The following HS6ST2 variants were observed in gnomAD, a reference collection of about 807,000 sequenced individuals.
HS6ST2 encodes the protein heparan-sulfate 6-O-sulfotransferase 2.
HS6ST2 carries 17 observed loss-of-function variants against 33.0 expected under a neutral mutation model. That is an observed-to-expected ratio of 0.52 (90% CI 0.35 to 0.77). The LOEUF (loss-of-function observed/expected upper bound fraction) is 0.77, where lower values mean the gene tolerates loss of function less well. Among genes scored for constraint, HS6ST2 ranks in the 30% least tolerant of loss-of-function variants. The probability of loss-of-function intolerance (pLI) is 0.01; values close to 1 mark genes in which losing one functional copy is unlikely to be tolerated. For synonymous variants in HS6ST2, 248 were observed against 237.1 expected (o/e 1.05, Z -0.42); for missense variants, 519 against 551.7 (o/e 0.94, Z 0.59).
At chrX:132,825,883 A>G (rs1456002566) in intron 2 of HS6ST2, among the ~76,000 whole-genome samples, 6 of 111,978 alleles carry the variant, frequency 5.4e-5, no homozygotes, top group Non-Finnish European at 1.1e-4. Flanking sequence ...CTGTGTCACA[A>G]TGCTTCTGTA....
chrX:132,712,160 G>A (rs747523732), intron 2 of HS6ST2, among the ~76,000 whole-genome samples: 7 of 111,635 alleles, frequency 6.3e-5, no homozygotes, highest in Non-Finnish European at 1.3e-4. Flanking sequence ...ACACTGAACT[G>A]GTGTGCTCAC....
chrX:132,636,119 A>C (rs1219335987), intron 4 of HS6ST2, among the ~76,000 whole-genome samples: 3 of 111,698 alleles, frequency 2.7e-5, no homozygotes, highest in Non-Finnish European at 5.6e-5. Context: ...CTGGGAGGGT[A>C]AGAACCATGT....
intron 2 of HS6ST2, among the ~76,000 whole-genome samples, chrX:132,825,983 G>T (rs2065515153): frequency 8.9e-6 from 1 of 112,230 alleles, no homozygotes; most frequent in African/African-American, 3.2e-5. Flanking sequence ...AATGTCCCCT[G>T]TCCTCCATGA....
intron 2 of HS6ST2, among the ~76,000 whole-genome samples, chrX:132,748,018 C>G (rs1363722088): frequency 8.9e-6 from 1 of 111,817 alleles, no homozygotes; most frequent in Non-Finnish European, 1.9e-5. Context: ...TGTTACTTCT[C>G]TGCCACAATG....
intron 3 of HS6ST2, among the ~76,000 whole-genome samples, chrX:132,678,478 TA>T (rs2063941695): frequency 8.9e-6 from 1 of 112,769 alleles, no homozygotes; most frequent in Admixed American, 9.3e-5. Flanking sequence ...ATGTGTCTGT[TA>T]AAAACACTGA....
At chrX:132,868,054 G>A (rs1000807907) in intron 2 of HS6ST2, among the ~76,000 whole-genome samples, 3 of 111,844 alleles carry the variant, frequency 2.7e-5, no homozygotes, top group Admixed American at 9.5e-5. Context: ...CATGTGCAAA[G>A]ACACAAATAG....
At chrX:132,807,781 C>T (rs889935162) in intron 2 of HS6ST2, among the ~76,000 whole-genome samples, 2 of 111,984 alleles carry the variant, frequency 1.8e-5, no homozygotes, top group Non-Finnish European at 3.8e-5. Context: ...TGACTAAAAG[C>T]AGAGGGTGCT....
intron 2 of HS6ST2, among the ~76,000 whole-genome samples, chrX:132,839,297 TATATATATATATATATATACAC>T (rs2065682769): frequency 2.3e-5 from 1 of 42,869 alleles, no homozygotes; most frequent in Admixed American, 2.0e-4. Flanking sequence ...TATATATATA[TATATATATATATATATATACAC>T]ACACATGTAT....
intron 4 of HS6ST2, among the ~76,000 whole-genome samples, chrX:132,633,498 A>C (rs1674077195): frequency 9.0e-6 from 1 of 111,092 alleles, no homozygotes; most frequent in African/African-American, 3.3e-5. Context: ...AAGTGACAAA[A>C]GGGATTCGGG....
chrX:132,906,245 A>G (rs1249593442), intron 2 of HS6ST2, among the ~76,000 whole-genome samples: 1 of 112,394 alleles, frequency 8.9e-6, no homozygotes, highest in African/African-American at 3.2e-5. Flanking sequence ...GGCTTTTGTT[A>G]GGTTTTTCCT....
At chrX:132,824,955 A>C (rs962343626) in intron 2 of HS6ST2, among the ~76,000 whole-genome samples, 8 of 109,536 alleles carry the variant, frequency 7.3e-5, no homozygotes, top group Admixed American at 3.9e-4. Context: ...TCTATGATAA[A>C]GTTTGTCAAC....
Position 132,772,829 on chromosome X carries a change from C to A in HS6ST2, c.948-64335G>T, listed in dbSNP as rs1334692309. Among the ~76,000 whole-genome samples the A allele has an allele frequency of 7.6e-5, 6 of 79,024 alleles. No homozygotes were observed. In the South Asian group the frequency reaches 2.9e-3, roughly 39 times the overall value. The allele number at this position is 79,024 out of a possible 115,157, so 68.6% of individuals were successfully genotyped here. A position where few individuals can be genotyped will look rare whatever the true frequency, so the allele number is the denominator to read the frequency against. The stretch of plus-strand genomic sequence containing the variant: ...TATAATATATATTATATTATATATT[C>A]TATAATATAAAATATAACATATAAT... On this transcript the variant is annotated intron_variant, in intron 2 of 4. Transcript: ENST00000370833.
At chrX:132,653,844 A>G (rs772092576) in intron 4 of HS6ST2, among the ~76,000 whole-genome samples, 1 of 111,810 alleles carries the variant, frequency 8.9e-6, no homozygotes, top group African/African-American at 3.2e-5. Context: ...TAGGGGATGC[A>G]ACTTTCAACA....
rs1259661351 is a variant in HS6ST2 at position 132,892,331 on chromosome X, C to A, written c.947+64477G>T. On this transcript the variant is annotated intron_variant, in intron 2 of 4. Coordinates refer to ENST00000370833, the MANE Select transcript of HS6ST2 (RefSeq NM_001394073.1). ...CAAAATGTGGTCCATGGATCAGTAG[C>A]AGCAGCAGCACCTTGGAACTTGATA... is the stretch of plus-strand genomic sequence containing the variant. Among the ~76,000 whole-genome samples the A allele has an allele frequency of 6.1e-4, 68 of 112,111 alleles. 2 individuals carry two copies. The highest frequency in any genetic ancestry group is 9.4e-5 in the Non-Finnish European group (5 of 53,252).
chrX:132,923,974 T>C (rs552603280), intron 2 of HS6ST2, among the ~76,000 whole-genome samples: 1 of 112,577 alleles, frequency 8.9e-6, no homozygotes, highest in East Asian at 2.8e-4. Flanking sequence ...CATCCAATGC[T>C]AGCCCGCATA....
chrX:132,932,185 CA>C (rs61033088), intron 2 of HS6ST2, among the ~76,000 whole-genome samples: 1,039 of 73,645 alleles, frequency 0.014, 20 homozygotes, highest in African/African-American at 0.048. Context: ...GACTCCACCT[CA>C]AAAAAAAAAA....
intron 2 of HS6ST2, among the ~76,000 whole-genome samples, chrX:132,787,886 A>G (rs1327812293): frequency 9.2e-6 from 1 of 108,414 alleles, no homozygotes; most frequent in Non-Finnish European, 1.9e-5. Flanking sequence ...GCGAGACTCC[A>G]TCTCAAAAAA....
intron 2 of HS6ST2, among the ~76,000 whole-genome samples, chrX:132,936,228 T>TGGAAAGAACACACAAGTTACC (rs2066821521): frequency 9.0e-6 from 1 of 110,856 alleles, no homozygotes; most frequent in African/African-American, 3.3e-5. Context: ...CTGGATAACT[T>TGGAAAGAACACACAAGTTACC]GGAAAGAACA....
At chrX:132,720,638 T>TA (rs200806114) in intron 2 of HS6ST2, among the ~76,000 whole-genome samples, 225 of 105,377 alleles carry the variant, frequency 2.1e-3, no homozygotes, top group African/African-American at 6.4e-3. Context: ...TGAGTTTATT[T>TA]AAAAAAAAAA....
Sources: gnomAD v4.1 joint callset for allele counts (sites outside exome capture counted in the v4.1 genomes callset) on GRCh38, gnomAD v4.1.1 for gene constraint, MANE v1.5 for transcripts, NCBI Gene and HGNC (gene_info 2026-07-23, HGNC 2026-07-21) for gene names.